The following EPCIP variants were observed in gnomAD, a reference collection of about 807,000 sequenced individuals.
EPCIP encodes exosomal polycystin-1-interacting protein.
At chr21:32,803,740 T>G in the EPCIP span, among the ~76,000 whole-genome samples, 110 of 152,346 alleles carry the variant, frequency 7.2e-4, no homozygotes, top group African/African-American at 2.5e-3. Context: ...ACTGTGATAC[T>G]GTGATACTGT....
At chr21:32,793,118 C>T in the EPCIP span, among the ~76,000 whole-genome samples, 4 of 151,840 alleles carry the variant, frequency 2.6e-5, no homozygotes, top group South Asian at 2.1e-4. Context: ...CCACCATGCC[C>T]GGCTAATTTT....
At chr21:32,792,921 T>A in the EPCIP span, among the ~76,000 whole-genome samples, 1 of 150,802 alleles carries the variant, frequency 6.6e-6, no homozygotes, top group Admixed American at 6.7e-5. Context: ...TATTATTTTT[T>A]TTTTTTTTGA....
At chr21:32,799,341 A>C in the EPCIP span, among the ~76,000 whole-genome samples, 1 of 152,200 alleles carries the variant, frequency 6.6e-6, no homozygotes, top group Non-Finnish European at 1.5e-5. Context: ...AGATTTTCAA[A>C]TTGGCTCCTT....
chr21:32,803,612 A>G, the EPCIP span, among the ~76,000 whole-genome samples: 11 of 144,810 alleles, frequency 7.6e-5, no homozygotes. Context: ...ACTGCAGGAG[A>G]TAGGTTAGAG....
At chr21:32,804,721 T>G in the EPCIP span, among the ~76,000 whole-genome samples, 1 of 152,192 alleles carries the variant, frequency 6.6e-6, no homozygotes, top group African/African-American at 2.4e-5. Context: ...TGATTTTTCC[T>G]GTAATTAATC....
the EPCIP span, chr21:32,797,948 G>A: frequency 2.6e-5 from 4 of 152,068 alleles, no homozygotes; most frequent in Admixed American, 2.6e-4. Flanking sequence ...CTCCTTCTGG[G>A]GACAAGATGG....
the EPCIP span, among the ~76,000 whole-genome samples, chr21:32,809,981 C>A: frequency 8.0e-4 from 121 of 152,174 alleles, no homozygotes; most frequent in African/African-American, 2.1e-3. Flanking sequence ...GATTTTTAAG[C>A]CACTCCAAAA....
the EPCIP span, among the ~76,000 whole-genome samples, chr21:32,792,831 A>G: frequency 6.6e-6 from 1 of 151,398 alleles, no homozygotes; most frequent in Non-Finnish European, 1.5e-5. Flanking sequence ...ACAGTCTCCA[A>G]CCTCTTATTT....
At chr21:32,801,024 T>G in the EPCIP span, among the ~76,000 whole-genome samples, 3 of 152,306 alleles carry the variant, frequency 2.0e-5, no homozygotes, top group Admixed American at 6.5e-5. Flanking sequence ...TTTCTGAGCT[T>G]CTGGTAGTGA....
At chr21:32,792,805 C>T in the EPCIP span, among the ~76,000 whole-genome samples, 1 of 152,072 alleles carries the variant, frequency 6.6e-6, no homozygotes. Context: ...CCTGTGGTAC[C>T]TCCACCCCAA....
chr21:32,803,451 G>A, the EPCIP span, among the ~76,000 whole-genome samples: 323 of 152,260 alleles, frequency 2.1e-3, 2 homozygotes, highest in African/African-American at 7.2e-3. Flanking sequence ...CCCTCTTCCC[G>A]TTGAGGTCAA....
the EPCIP span, among the ~76,000 whole-genome samples, chr21:32,791,781 G>A: frequency 1.3e-5 from 2 of 151,642 alleles, no homozygotes; most frequent in Non-Finnish European, 2.9e-5. Context: ...ATCAACCCCA[G>A]GATATCCTGT....
chr21:32,794,549 A>G, the EPCIP span: 1 of 879,048 alleles, frequency 1.1e-6, no homozygotes. Context: ...ATGGAAAAGG[A>G]ACCCCAGAAA....
chr21:32,808,529 TG>T, the EPCIP span, among the ~76,000 whole-genome samples: 1 of 152,256 alleles, frequency 6.6e-6, no homozygotes. Context: ...TTTCCTTTGC[TG>T]GTTTTAGTTA....
the EPCIP span, chr21:32,794,016 G>A: frequency 6.2e-6 from 10 of 1,614,058 alleles, no homozygotes; most frequent in Non-Finnish European, 8.5e-6. Flanking sequence ...CTCTGCTCTG[G>A]GAAGGGATGC....
At chr21:32,813,614 C>T in the EPCIP span, 1 of 471,232 alleles carries the variant, frequency 2.1e-6, no homozygotes, top group Non-Finnish European at 4.4e-6. Flanking sequence ...CACCGTGAGG[C>T]CTCGCCTCTC....
chr21:32,809,268 C>CCTCCCTCT, the EPCIP span, among the ~76,000 whole-genome samples: 3 of 86,644 alleles, frequency 3.5e-5, no homozygotes, highest in African/African-American at 1.2e-4. Context: ...TTCTTTCTTC[C>CCTCCCTCT]CTCCCTCCTT....
At chr21:32,805,181 C>T in the EPCIP span, among the ~76,000 whole-genome samples, 1 of 152,246 alleles carries the variant, frequency 6.6e-6, no homozygotes, top group Non-Finnish European at 1.5e-5. Context: ...CTGAGAAATG[C>T]GAGCAGCCTC....
the EPCIP span, chr21:32,793,698 A>G: frequency 5.3e-6 from 8 of 1,499,722 alleles, no homozygotes; most frequent in Admixed American, 1.3e-4. Flanking sequence ...CCTTATTTCC[A>G]GATTCCTTCT....
Sources: gnomAD v4.1 joint callset for allele counts (sites outside exome capture counted in the v4.1 genomes callset) on GRCh38, gnomAD v4.1.1 for gene constraint, MANE v1.5 for transcripts, NCBI Gene and HGNC (gene_info 2026-07-23, HGNC 2026-07-21) for gene names.